The following LRP1B variants were observed in gnomAD, a reference collection of about 807,000 sequenced individuals.
LRP1B encodes LDL receptor related protein 1B, also known as low-density lipoprotein receptor-related protein 1B.
In LRP1B, 217 loss-of-function variants were observed where a neutral mutation model predicts 556.6. The observed-to-expected ratio is 0.39, with a 90% CI of 0.35 to 0.44. The LOEUF (loss-of-function observed/expected upper bound fraction) is 0.44. Among genes scored for constraint, LRP1B ranks in the 20% least tolerant of loss-of-function variants. The probability of loss-of-function intolerance (pLI) is 1.00; values close to 1 mark genes in which losing one functional copy is unlikely to be tolerated. For missense variants in LRP1B, 5,053 were observed against 5,620.8 expected (o/e 0.90, Z 3.23); for synonymous variants, 2,047 against 1,865.8 (o/e 1.10, Z -2.50).
intron 3 of LRP1B, among the ~76,000 whole-genome samples, chr2:141,280,447 A>T (rs1685469727): frequency 6.6e-6 from 1 of 152,100 alleles, no homozygotes; most frequent in Non-Finnish European, 1.5e-5. Context: ...TAAATAAAAA[A>T]TTACAAGAAA....
intron 37 of LRP1B, 103 bp from the exon 38 acceptor site, chr2:140,702,656 G>C (rs1686692270): frequency 1.0e-6 from 1 of 986,640 alleles, no homozygotes; most frequent in African/African-American, 1.6e-5. Context: ...ATTCACACTA[G>C]AATAAAAATA....
At chr2:140,670,397 G>A (rs1367423947) in intron 41 of LRP1B, among the ~76,000 whole-genome samples, 3 of 152,144 alleles carry the variant, frequency 2.0e-5, no homozygotes, top group Non-Finnish European at 4.4e-5. Context: ...GTTCTAAATG[G>A]TAAGATAAAG....
intron 3 of LRP1B, among the ~76,000 whole-genome samples, chr2:141,347,665 A>G (rs1294312965): frequency 6.6e-6 from 1 of 152,024 alleles, no homozygotes; most frequent in Non-Finnish European, 1.5e-5. Context: ...CATTCAATTT[A>G]CTTTTCAGAC....
intron 32 of LRP1B, among the ~76,000 whole-genome samples, chr2:140,805,487 GC>G (rs1310465106): frequency 1.3e-5 from 2 of 152,094 alleles, no homozygotes; most frequent in Non-Finnish European, 2.9e-5. Context: ...GACAAATTAA[GC>G]AGTTTTATGT....
At chr2:141,927,851 G>A (rs1700375987) in intron 1 of LRP1B, among the ~76,000 whole-genome samples, 1 of 127,756 alleles carries the variant, frequency 7.8e-6, no homozygotes, top group East Asian at 2.4e-4. Context: ...ATCAATAATA[G>A]TCATCCTGTC....
chr2:141,321,681 T>C (rs1438393354), intron 3 of LRP1B, among the ~76,000 whole-genome samples: 3 of 152,066 alleles, frequency 2.0e-5, no homozygotes, highest in African/African-American at 7.2e-5. Flanking sequence ...TGGAAGTGCA[T>C]GGCACCAATC....
At chr2:141,832,160 A>G (rs1045748124) in intron 1 of LRP1B, among the ~76,000 whole-genome samples, 2 of 151,714 alleles carry the variant, frequency 1.3e-5, no homozygotes, top group African/African-American at 2.4e-5. Flanking sequence ...TGGAATGACT[A>G]TCACTCAATT....
At position 140,345,660 on chromosome 2, in the gene LRP1B, GTA is replaced by G. The variant is rs1021532495; in HGVS notation, c.11892+5135_11892+5136del. ...TGTATGTATGTATATATGTGTGTGT[GTA>G]TATATATATATAGATATATATATAA... On this transcript the variant is annotated intron_variant, in intron 77 of 90. Coordinates refer to ENST00000389484, the MANE Select transcript of LRP1B (RefSeq NM_018557.3). Among the ~76,000 whole-genome samples the G allele has an allele frequency of 5.7e-3, 813 of 143,358 alleles. 11 individuals are homozygous for G. The highest frequency in any genetic ancestry group is 0.019 in the African/African-American group (756 of 39,336). 94.0% of individuals were successfully genotyped at this position (143,358 alleles called of 152,430 possible).
At chr2:141,821,415 T>C (rs1404688228) in intron 1 of LRP1B, among the ~76,000 whole-genome samples, 1 of 152,222 alleles carries the variant, frequency 6.6e-6, no homozygotes, top group South Asian at 2.1e-4. Flanking sequence ...CAACATGATC[T>C]ACTTTTACAT....
chr2:141,047,463 A>G (rs2105442968), intron 11 of LRP1B, among the ~76,000 whole-genome samples: 1 of 152,178 alleles, frequency 6.6e-6, no homozygotes, highest in Non-Finnish European at 1.5e-5. Flanking sequence ...CACCATTTAC[A>G]CCATCCATGC....
rs150741480 is a variant in LRP1B at position 141,411,095 on chromosome 2, T to A, written c.343+69301A>T. Among the ~76,000 whole-genome samples, 236 of 152,218 alleles carry A rather than the reference T, an allele frequency of 1.6e-3. 1 individual carries two copies. The highest frequency in any genetic ancestry group is 5.5e-3 in the African/African-American group (227 of 41,578). On this transcript the variant is annotated intron_variant, in intron 3 of 90. Coordinates refer to ENST00000389484, the MANE Select transcript of LRP1B (RefSeq NM_018557.3). ...TAAGAAGATGGACTTATTTTAATAC[T>A]CTTATAAATCATTGAACCTTAGATA...
intron 3 of LRP1B, among the ~76,000 whole-genome samples, chr2:141,323,597 A>G (rs1687320816): frequency 6.6e-6 from 1 of 151,854 alleles, no homozygotes; most frequent in East Asian, 1.9e-4. Context: ...AATCCTGAAA[A>G]CCTTGTCAAA....
intron 2 of LRP1B, among the ~76,000 whole-genome samples, chr2:141,720,770 A>G (rs554698635): frequency 6.6e-6 from 1 of 152,218 alleles, no homozygotes; most frequent in East Asian, 1.9e-4. Flanking sequence ...AAATGAGTCA[A>G]CTTTTATCAC....
intron 2 of LRP1B, among the ~76,000 whole-genome samples, chr2:141,571,723 G>C (rs1686537008): frequency 6.6e-6 from 1 of 152,048 alleles, no homozygotes; most frequent in African/African-American, 2.4e-5. Flanking sequence ...AACCAGTTTA[G>C]AGAGGAACAT....
chr2:141,733,906 A>T (rs946657682), intron 2 of LRP1B, among the ~76,000 whole-genome samples: 5 of 152,138 alleles, frequency 3.3e-5, no homozygotes, highest in African/African-American at 1.2e-4. Flanking sequence ...TAATTATTAT[A>T]GAACCTATAA....
intron 25 of LRP1B, among the ~76,000 whole-genome samples, chr2:140,879,072 A>G (rs1693394571): frequency 6.6e-6 from 1 of 152,092 alleles, no homozygotes; most frequent in Non-Finnish European, 1.5e-5. Context: ...GCAGTCTCTG[A>G]GTATTTGTGG....
intron 41 of LRP1B, among the ~76,000 whole-genome samples, chr2:140,695,687 G>T (rs190644945): frequency 2.6e-5 from 4 of 152,152 alleles, no homozygotes; most frequent in African/African-American, 9.7e-5. Flanking sequence ...GCCTAAAAGT[G>T]TAGACTTTTA....
chr2:141,233,788 GT>G (rs1683557087), intron 5 of LRP1B, among the ~76,000 whole-genome samples: 1 of 151,884 alleles, frequency 6.6e-6, no homozygotes, highest in Non-Finnish European at 1.5e-5. Context: ...AATTTGGCTA[GT>G]TTCCTTCTAA....
chr2:141,006,755 G>A (rs954539579), intron 14 of LRP1B, among the ~76,000 whole-genome samples: 1 of 151,712 alleles, frequency 6.6e-6, no homozygotes, highest in Non-Finnish European at 1.5e-5. Flanking sequence ...TTTCTTCTAG[G>A]CTACAAACCT....
Sources: gnomAD v4.1 joint callset for allele counts (sites outside exome capture counted in the v4.1 genomes callset) on GRCh38, gnomAD v4.1.1 for gene constraint, MANE v1.5 for transcripts, NCBI Gene and HGNC (gene_info 2026-07-23, HGNC 2026-07-21) for gene names.